Variants in KAT2B observed in about 807,000 individuals in gnomAD.
KAT2B encodes the protein histone acetyltransferase KAT2B.
In KAT2B, 36 loss-of-function variants were observed where a neutral mutation model predicts 105.9. That is an observed-to-expected ratio of 0.34 (90% CI 0.26 to 0.45). KAT2B has a LOEUF of 0.45. Among genes scored for constraint, KAT2B ranks in the 20% least tolerant of loss-of-function variants. The pLI, the probability that KAT2B is intolerant of heterozygous loss-of-function variation, is 1.00. For synonymous variants in KAT2B, 397 were observed against 377.9 expected (o/e 1.05, Z -0.59); for missense variants, 820 against 1,021.6 (o/e 0.80, Z 2.69).
At chr3:20,087,664 C>G (rs6772372) in intron 2 of KAT2B, among the ~76,000 whole-genome samples, 17,111 of 152,174 alleles carry the variant, frequency 0.11, 1,369 homozygotes, top group East Asian at 0.42. Context: ...ACCCGTACCT[C>G]ACGTTCCAAG....
At chr3:20,077,829 C>T (rs1698446110) in intron 2 of KAT2B, among the ~76,000 whole-genome samples, 1 of 152,172 alleles carries the variant, frequency 6.6e-6, no homozygotes. Context: ...CCCAGCATTT[C>T]TCCTTATTTT....
At chr3:20,075,399 A>T (rs1364371637) in intron 2 of KAT2B, among the ~76,000 whole-genome samples, 1 of 151,738 alleles carries the variant, frequency 6.6e-6, no homozygotes, top group African/African-American at 2.4e-5. Context: ...TCTGAACACT[A>T]GCTGGAGGTC....
intron 2 of KAT2B, among the ~76,000 whole-genome samples, chr3:20,078,229 G>A (rs1698455008): frequency 6.6e-6 from 1 of 152,038 alleles, no homozygotes; most frequent in African/African-American, 2.4e-5. Context: ...GTTTTTACGA[G>A]CAGGAAAGTA....
At chr3:20,054,967 T>G (rs1187602671) in intron 1 of KAT2B, among the ~76,000 whole-genome samples, 3 of 152,054 alleles carry the variant, frequency 2.0e-5, no homozygotes, top group African/African-American at 7.2e-5. Context: ...GAGACAGATA[T>G]TAAGTGAAAG....
chr3:20,148,137 G>A lies in KAT2B; in HGVS notation c.2157-106G>A. Reference sequence around the variant, plus strand: ...GTTTTGAGTTTCCTAAAACATTCTGGAATGGTTCCAATTTCAGGTTTTTGT... The same window carrying A: ...GTTTTGAGTTTCCTAAAACATTCTGAAATGGTTCCAATTTCAGGTTTTTGT... On this transcript the variant is annotated intron_variant, in intron 15 of 17. Coordinates refer to ENST00000263754, the MANE Select transcript of KAT2B (RefSeq NM_003884.5). 2.2e-6 allele frequency: 3 copies of A among 1,352,308 alleles called. No individual in the cohort carries two copies. In the East Asian group the frequency reaches 7.0e-5, roughly 31 times the overall value. 83.8% of individuals were successfully genotyped at this position (1,352,308 alleles called of 1,614,324 possible).
chr3:20,113,355 C>T (rs1253418927), intron 6 of KAT2B, among the ~76,000 whole-genome samples: 1 of 152,206 alleles, frequency 6.6e-6, no homozygotes, highest in Admixed American at 6.5e-5. Context: ...CCTCCCTTCC[C>T]AACACCTGTT....
intron 1 of KAT2B, among the ~76,000 whole-genome samples, chr3:20,060,713 C>T (rs1698086202): frequency 6.6e-6 from 1 of 151,960 alleles, no homozygotes; most frequent in Non-Finnish European, 1.5e-5. Context: ...TCCCTTGAGT[C>T]CAGGAGTTTG....
intron 2 of KAT2B, among the ~76,000 whole-genome samples, chr3:20,074,281 G>T (rs1698380358): frequency 6.6e-6 from 1 of 152,150 alleles, no homozygotes; most frequent in South Asian, 2.1e-4. Flanking sequence ...AAGAAATCAG[G>T]TAATAAAGCA....
intron 2 of KAT2B, among the ~76,000 whole-genome samples, chr3:20,094,736 A>G (rs916891181): frequency 3.9e-5 from 6 of 152,174 alleles, no homozygotes; most frequent in Middle Eastern, 3.2e-3. Flanking sequence ...GTGTGTCTCA[A>G]TCAGAAAGGC....
chr3:20,101,975 A>G (rs934040448), intron 5 of KAT2B, among the ~76,000 whole-genome samples: 1 of 152,170 alleles, frequency 6.6e-6, no homozygotes, highest in Non-Finnish European at 1.5e-5. Context: ...TCTGAAATTA[A>G]TTAGAGCCCT....
intron 1 of KAT2B, among the ~76,000 whole-genome samples, chr3:20,045,575 C>T (rs2125162793): frequency 6.6e-6 from 1 of 152,080 alleles, no homozygotes; most frequent in East Asian, 1.9e-4. Flanking sequence ...TAGGCCAAAT[C>T]CAAATCTTCT....
At chr3:20,045,025 A>T (rs1362379018) in intron 1 of KAT2B, among the ~76,000 whole-genome samples, 3 of 151,904 alleles carry the variant, frequency 2.0e-5, no homozygotes, top group Admixed American at 1.3e-4. Flanking sequence ...TTATTTATTT[A>T]TTTTTTTGAG....
intron 3 of KAT2B, among the ~76,000 whole-genome samples, chr3:20,096,490 G>C (rs1698813745): frequency 1.3e-5 from 2 of 152,118 alleles, no homozygotes; most frequent in Non-Finnish European, 2.9e-5. Context: ...CTGCTACTGA[G>C]GGCATTGTAG....
intron 1 of KAT2B, among the ~76,000 whole-genome samples, chr3:20,060,775 T>A (rs1367042113): frequency 6.6e-6 from 1 of 151,732 alleles, no homozygotes; most frequent in Non-Finnish European, 1.5e-5. Flanking sequence ...AAAATAAAAA[T>A]AAAAAATAAA....
chr3:20,101,811 T>C (rs1216607520), intron 5 of KAT2B, among the ~76,000 whole-genome samples: 1 of 152,228 alleles, frequency 6.6e-6, no homozygotes, highest in Non-Finnish European at 1.5e-5. Flanking sequence ...GTAGAAATGA[T>C]AGTACATTGG....
intron 1 of KAT2B, among the ~76,000 whole-genome samples, chr3:20,047,808 G>C (rs931390936): frequency 1.3e-5 from 2 of 151,740 alleles, no homozygotes; most frequent in African/African-American, 2.4e-5. Context: ...TAGAGACGGG[G>C]TTTCACCATG....
intron 1 of KAT2B, among the ~76,000 whole-genome samples, chr3:20,056,421 T>C (rs1698004842): frequency 6.6e-6 from 1 of 152,192 alleles, no homozygotes; most frequent in Non-Finnish European, 1.5e-5. Flanking sequence ...GAGTTCTTTG[T>C]TGGAGGTGAT....
At chr3:20,092,512 G>A (rs1164544700) in intron 2 of KAT2B, among the ~76,000 whole-genome samples, 6 of 151,692 alleles carry the variant, frequency 4.0e-5, no homozygotes, top group Non-Finnish European at 7.4e-5. Flanking sequence ...TTACAGGCAT[G>A]AGCCACTGTG....
At chr3:20,060,067 TTATC>T (rs2125171185) in intron 1 of KAT2B, among the ~76,000 whole-genome samples, 1 of 152,350 alleles carries the variant, frequency 6.6e-6, no homozygotes, top group Non-Finnish European at 1.5e-5. Flanking sequence ...CAGCACTTCT[TTATC>T]TTTCATTGCA....
Sources: allele counts gnomAD v4.1 joint callset (sites outside exome capture counted in the v4.1 genomes callset), GRCh38; gene constraint gnomAD v4.1.1; transcripts MANE v1.5; gene names NCBI Gene and HGNC (gene_info 2026-07-23, HGNC 2026-07-21).